The following MAD1L1 variants were observed in gnomAD, a reference collection of about 807,000 sequenced individuals.
The protein encoded by MAD1L1 is mitotic arrest deficient 1 like 1.
Under a neutral mutation model 96.9 loss-of-function variants are expected in MAD1L1, and 95 were observed. The observed-to-expected ratio is 0.98, with a 90% CI of 0.83 to 1.16. The LOEUF is 1.16. Among genes scored for constraint, MAD1L1 ranks in the 50% most tolerant of loss-of-function variants. The pLI is 0.00. For synonymous variants in MAD1L1, 473 were observed against 396.6 expected (o/e 1.19, Z -2.29); for missense variants, 1,007 against 954.4 (o/e 1.06, Z -0.73).
chr7:2,000,268 C>T (rs1781734150), intron 14 of MAD1L1, among the ~76,000 whole-genome samples: 1 of 152,172 alleles, frequency 6.6e-6, no homozygotes, highest in Admixed American at 6.5e-5. Context: ...GGACTCGGAC[C>T]ACGCCTCCGC....
chr7:1,887,981 G>GCA (rs2128669576), intron 18 of MAD1L1, among the ~76,000 whole-genome samples: 1 of 98,558 alleles, frequency 1.0e-5, no homozygotes, highest in African/African-American at 4.5e-5. Flanking sequence ...GCATGTGTGT[G>GCA]TGCATGCATG....
intron 18 of MAD1L1, among the ~76,000 whole-genome samples, chr7:1,876,899 C>T (rs527791799): frequency 2.4e-5 from 3 of 127,134 alleles, no homozygotes; most frequent in Non-Finnish European, 1.8e-5. Context: ...TGGGAAGGTG[C>T]GGTTCCATCT....
chr7:1,878,899 C>G (rs1372213826), intron 18 of MAD1L1, among the ~76,000 whole-genome samples: 2 of 152,086 alleles, frequency 1.3e-5, no homozygotes, highest in Non-Finnish European at 2.9e-5. Context: ...ACTACAAAAA[C>G]TTTCTAGAAC....
chr7:2,001,526 G>A (rs886720619), intron 14 of MAD1L1, among the ~76,000 whole-genome samples: 1 of 152,246 alleles, frequency 6.6e-6, no homozygotes, highest in African/African-American at 2.4e-5. Context: ...CCAGGAGAGT[G>A]GGGCCCATGT....
In MAD1L1 at chr7:2,163,398, G is replaced by A. The variant is rs546312050; in HGVS notation, c.987-14160C>T. On this transcript the variant is annotated intron_variant, in intron 10 of 18. Coordinates refer to ENST00000265854, the MANE Select transcript of MAD1L1 (RefSeq NM_001013836.2). ...TCTTTGTTTTTTGTTTTTTGAGACA[G>A]AGTCTCACTCTGTCGCCCAGGCTGG... 7.9e-5 allele frequency among the ~76,000 whole-genome samples: 12 copies of A among 152,242 alleles called. No homozygotes were observed. In the South Asian group the frequency reaches 2.3e-3, roughly 29 times the overall value.
intron 11 of MAD1L1, among the ~76,000 whole-genome samples, chr7:2,128,697 G>C (rs1187739547): frequency 3.3e-5 from 5 of 152,142 alleles, no homozygotes; most frequent in Non-Finnish European, 7.4e-5. Context: ...GATCCTGGCG[G>C]GGACACAGAG....
intron 10 of MAD1L1, among the ~76,000 whole-genome samples, chr7:2,156,833 AAAAG>A (rs1015873380): frequency 2.0e-5 from 3 of 151,884 alleles, no homozygotes; most frequent in Non-Finnish European, 2.9e-5. Flanking sequence ...AAAAAAAAAA[AAAAG>A]AAAGAAAGAA....
rs187855876 is a variant in MAD1L1, at chr7:1,986,078, T to C, written c.1417-5537A>G. Among the ~76,000 whole-genome samples, 54 of 152,334 alleles carry C rather than the reference T, an allele frequency of 3.5e-4. No homozygotes were observed. The East Asian group carries it at 9.3e-3, about 26-fold the overall frequency. On this transcript the variant is annotated intron_variant, in intron 14 of 18. Coordinates refer to ENST00000265854, the MANE Select transcript of MAD1L1 (RefSeq NM_001013836.2). ...ACTGCTCACTGCTGAAGATGAGTTTTATTGAATCCGGCTCCGTGCACAGGT... is the reference window on the plus strand; with the variant it reads ...ACTGCTCACTGCTGAAGATGAGTTTCATTGAATCCGGCTCCGTGCACAGGT...
At chr7:2,038,268 G>C (rs1783525968) in intron 12 of MAD1L1, among the ~76,000 whole-genome samples, 1 of 152,108 alleles carries the variant, frequency 6.6e-6, no homozygotes, top group Admixed American at 6.5e-5. Context: ...AAAAGTACAA[G>C]GTGAAGCCGC....
At chr7:2,110,695 T>C (rs940158473) in intron 11 of MAD1L1, among the ~76,000 whole-genome samples, 2 of 152,178 alleles carry the variant, frequency 1.3e-5, no homozygotes, top group Admixed American at 1.3e-4. Context: ...TTTCAGACTA[T>C]TAAGATGCTT....
At chr7:1,931,535 G>T (rs1188077784) in intron 17 of MAD1L1, among the ~76,000 whole-genome samples, 1 of 152,174 alleles carries the variant, frequency 6.6e-6, no homozygotes, top group East Asian at 1.9e-4. Flanking sequence ...GATCATGTCG[G>T]TATTAACTGC....
At chr7:2,068,724 C>T (rs909322146) in intron 12 of MAD1L1, among the ~76,000 whole-genome samples, 1 of 152,236 alleles carries the variant, frequency 6.6e-6, no homozygotes, top group East Asian at 1.9e-4. Flanking sequence ...ATCAGAACCC[C>T]CGCAGGCACT....
intron 12 of MAD1L1, among the ~76,000 whole-genome samples, chr7:2,045,886 C>T (rs1339329278): frequency 2.0e-5 from 3 of 152,162 alleles, no homozygotes; most frequent in Non-Finnish European, 2.9e-5. Flanking sequence ...AACGTTCTGC[C>T]GAGGGCCCCC....
chr7:2,054,911 T>C (rs904140031), intron 12 of MAD1L1, among the ~76,000 whole-genome samples: 1 of 152,242 alleles, frequency 6.6e-6, no homozygotes, highest in African/African-American at 2.4e-5. Flanking sequence ...GGGCTGCTCC[T>C]TGGACATCCC....
chr7:1,983,848 CAT>C (rs1215030239), intron 14 of MAD1L1, among the ~76,000 whole-genome samples: 2 of 152,192 alleles, frequency 1.3e-5, no homozygotes, highest in African/African-American at 4.8e-5. Context: ...GTGAATAATT[CAT>C]ATGTTTTATT....
rs978705302 is a variant in MAD1L1, at chr7:1,934,097, G to A, written c.1807+2590C>T. Among the ~76,000 whole-genome samples, 9 of 152,362 alleles carry A rather than the reference G, an allele frequency of 5.9e-5. No homozygotes were observed. In the East Asian group the frequency reaches 1.7e-3, roughly 29 times the overall value. On this transcript the variant is annotated intron_variant, in intron 17 of 18. Transcript: ENST00000265854. The stretch of plus-strand genomic sequence containing the variant: ...CAACACTGTGATTTTTGGGGGCACA[G>A]ACACGCGCTGCATCAGCCACTGGGG...
chr7:1,944,612 T>C (rs536279369), intron 16 of MAD1L1, among the ~76,000 whole-genome samples: 10 of 152,242 alleles, frequency 6.6e-5, no homozygotes, highest in African/African-American at 2.4e-4. Context: ...CTTACTTGTA[T>C]CCTGCTTGGG....
chr7:1,885,165 C>T (rs943602157), intron 18 of MAD1L1, among the ~76,000 whole-genome samples: 2 of 152,136 alleles, frequency 1.3e-5, no homozygotes, highest in Non-Finnish European at 1.5e-5. Flanking sequence ...CTCGCTGCTC[C>T]AGCCTCAGAG....
intron 14 of MAD1L1, among the ~76,000 whole-genome samples, chr7:1,995,400 G>GA (rs1367871305): frequency 6.6e-6 from 1 of 152,196 alleles, no homozygotes; most frequent in Non-Finnish European, 1.5e-5. Context: ...TTAGCTTTGT[G>GA]AGACTCCAGG....
Sources: gnomAD v4.1 joint callset for allele counts (sites outside exome capture counted in the v4.1 genomes callset) on GRCh38, gnomAD v4.1.1 for gene constraint, MANE v1.5 for transcripts, NCBI Gene and HGNC (gene_info 2026-07-23, HGNC 2026-07-21) for gene names.